The following FCHO2 variants were observed in gnomAD, a reference collection of about 807,000 sequenced individuals.
The protein encoded by FCHO2 is F-BAR domain only protein 2.
FCHO2 carries 43 observed loss-of-function variants against 114.1 expected under a neutral mutation model. The ratio of observed to expected loss-of-function variants is 0.38; its 90% CI spans 0.30 to 0.49. The LOEUF (loss-of-function observed/expected upper bound fraction) is 0.49, where lower values mean the gene tolerates loss of function less well. Among genes scored for constraint, FCHO2 ranks in the 20% least tolerant of loss-of-function variants. The pLI is 0.97. For synonymous variants in FCHO2, 293 were observed against 315.2 expected, an observed-to-expected ratio of 0.93 and a Z score of 0.75; for missense variants, 807 against 950.4, an observed-to-expected ratio of 0.85 and a Z score of 1.98.
chr5:73,014,706 ACT>A (rs997953169), intron 6 of FCHO2, among the ~76,000 whole-genome samples: 4 of 151,148 alleles, frequency 2.6e-5, no homozygotes, highest in Middle Eastern at 3.4e-3. Context: ...AGTTTTTAAA[ACT>A]CTTTGTTTTT....
rs773944311 is a variant in FCHO2, at chr5:73,074,841, C to A, written c.1679C>A (p.Ala560Glu). Residue 560 changes from alanine (A) to glutamate (E), a missense_variant, in exon 20 of 26, where the codon GCA becomes GAA. By Grantham distance (107) the Ala-to-Glu change is moderately radical (BLOSUM62 -1). Coordinates refer to ENST00000430046, the MANE Select transcript of FCHO2 (RefSeq NM_138782.3). ...TCTGTTAATGCCTACTTTAAAGGAG[C>A]AGATCCCACCAAGTTAGTTTTTAAA... Reference protein sequence around the residue: ...TESVNAYFKGADPTKCIVKIT... With the variant: ...TESVNAYFKGEDPTKCIVKIT... The A allele has an allele frequency of 4.3e-6, 7 of 1,610,964 alleles. No homozygotes were observed. Among genetic ancestry groups the A allele is most frequent in the Non-Finnish European group, 5.9e-6 (7 of 1,178,682 alleles).
intron 5 of FCHO2, among the ~76,000 whole-genome samples, chr5:73,000,469 C>CT (rs1260472578): frequency 2.9e-4 from 26 of 91,092 alleles, no homozygotes; most frequent in Non-Finnish European, 4.9e-4. Flanking sequence ...GAAACTCAGT[C>CT]TTAAAAAAAA....
Position 73,074,869 on chromosome 5 carries a change from A to G in FCHO2, c.1691+16A>G. 1 of 1,593,592 alleles carries G rather than the reference A, an allele frequency of 6.3e-7. No individual in the cohort carries two copies. Among genetic ancestry groups the G allele is most frequent in the Non-Finnish European group, 8.6e-7 (1 of 1,165,902 alleles). ...ATCCCACCAAGTTAGTTTTTAAAAT[A>G]TATGCATGTATGTGTATGTATGTGT... On this transcript the variant is annotated intron_variant, in intron 20 of 25. Coordinates refer to ENST00000430046, the MANE Select transcript of FCHO2 (RefSeq NM_138782.3).
chr5:73,044,654 G>T, intron 11 of FCHO2, among the ~76,000 whole-genome samples: 1 of 152,036 alleles, frequency 6.6e-6, no homozygotes, highest in East Asian at 1.9e-4. Context: ...GGCCAAGGAA[G>T]TGTAATTGCT....
rs1380425423 is a variant in FCHO2 at position 73,082,826 on chromosome 5, G to T, written c.2245+1G>T. On this transcript the variant is annotated splice_donor_variant, in intron 24 of 25. Transcript: ENST00000430046. LOFTEE classifies it high-confidence loss of function. ...ATTTCAGAAAAATCAGAAAATGGAGGTAAGTGTGTGTGTCCTTTTTTATTT... is the reference window on the plus strand; with the variant it reads ...ATTTCAGAAAAATCAGAAAATGGAGTTAAGTGTGTGTGTCCTTTTTTATTT... The T allele has an allele frequency of 3.1e-6, 5 of 1,597,294 alleles. No homozygotes were observed. The highest frequency in any genetic ancestry group is 4.3e-6 in the Non-Finnish European group (5 of 1,172,040).
intron 2 of FCHO2, among the ~76,000 whole-genome samples, chr5:72,985,446 G>A (rs1753466093): frequency 6.6e-6 from 1 of 152,078 alleles, no homozygotes; most frequent in African/African-American, 2.4e-5. Context: ...ACAGACATGA[G>A]CCACCACGCC....
intron 19 of FCHO2, among the ~76,000 whole-genome samples, chr5:73,072,251 A>G (rs764834540): frequency 9.9e-5 from 15 of 152,220 alleles, no homozygotes; most frequent in African/African-American, 2.2e-4. Context: ...TAGTATTACA[A>G]TAACAAATGT....
At chr5:73,017,854 G>C (rs182915040) in intron 8 of FCHO2, among the ~76,000 whole-genome samples, 1 of 144,808 alleles carries the variant, frequency 6.9e-6, no homozygotes, top group Non-Finnish European at 1.6e-5. Context: ...TGAACAAATG[G>C]ATATAGGAAT....
chr5:73,002,298 A>G (rs1247994977), intron 5 of FCHO2, among the ~76,000 whole-genome samples: 2 of 152,218 alleles, frequency 1.3e-5, no homozygotes, highest in Non-Finnish European at 2.9e-5. Flanking sequence ...GTATAGGAAG[A>G]TGAAATGATT....
chr5:73,023,567 A>C (rs1411919871), intron 8 of FCHO2, among the ~76,000 whole-genome samples: 1 of 151,906 alleles, frequency 6.6e-6, no homozygotes, highest in Non-Finnish European at 1.5e-5. Context: ...GGGAGTGGTG[A>C]TGTGTACCTG....
chr5:73,032,226 T>TGGTTCA (rs1428920503), intron 8 of FCHO2, among the ~76,000 whole-genome samples: 2 of 152,216 alleles, frequency 1.3e-5, no homozygotes, highest in Non-Finnish European at 2.9e-5. Context: ...TCATGCATGA[T>TGGTTCA]TTAATGGTTT....
chr5:72,976,393 A>G (rs1300984864), intron 2 of FCHO2, among the ~76,000 whole-genome samples: 1 of 151,774 alleles, frequency 6.6e-6, no homozygotes, highest in Non-Finnish European at 1.5e-5. Flanking sequence ...TGTTGTTGTC[A>G]AGATGTGGTC....
intron 1 of FCHO2, among the ~76,000 whole-genome samples, chr5:72,967,564 A>G (rs888471117): frequency 2.6e-5 from 4 of 152,182 alleles, no homozygotes; most frequent in African/African-American, 9.7e-5. Flanking sequence ...ATGTTTTGAA[A>G]GGTCCATGTT....
intron 19 of FCHO2, among the ~76,000 whole-genome samples, chr5:73,074,402 A>G (rs1486034163): frequency 6.6e-6 from 1 of 152,120 alleles, no homozygotes; most frequent in Non-Finnish European, 1.5e-5. Context: ...TGATTGATAG[A>G]ACCTGGAGGA....
Position 73,082,934 on chromosome 5 carries a change from C to T in FCHO2, c.2245+109C>T, listed in dbSNP as rs1473764411. 6.7e-6 allele frequency: 6 copies of T among 899,934 alleles called. No homozygotes were observed. In the East Asian group the frequency reaches 8.5e-5, roughly 13 times the overall value. The allele number at this position is 899,934 out of a possible 1,614,324, so 55.7% of individuals were successfully genotyped here. A position where few individuals can be genotyped will look rare whatever the true frequency, so the allele number is the denominator to read the frequency against. On this transcript the variant is annotated intron_variant, in intron 24 of 25. Transcript: ENST00000430046. ...TTGTTGCCAGGCTGGAGTGCAGTAA[C>T]ACAATCTCAGCTCACTGCAACCTCC...
rs569294882 is a variant in FCHO2 at position 73,072,031 on chromosome 5, A to AT, written c.1580-2699dup. ...CATTTGTGTGAGTTACTCAAGAGACATTTTTTTTTTTTAATGAGACAGGGT... is the reference window on the plus strand; with the variant it reads ...CATTTGTGTGAGTTACTCAAGAGACATTTTTTTTTTTTTAATGAGACAGGGT... On this transcript the variant is annotated intron_variant, in intron 19 of 25. Transcript: ENST00000430046. Among the ~76,000 whole-genome samples the AT allele has an allele frequency of 6.8e-3, 982 of 144,144 alleles. 13 individuals carry two copies. The highest frequency in any genetic ancestry group is 0.045 in the South Asian group (206 of 4,570). 94.6% of individuals were successfully genotyped at this position (144,144 alleles called of 152,430 possible). A position where few individuals can be genotyped will look rare whatever the true frequency, so the allele number is the denominator to read the frequency against.
Position 73,052,217 on chromosome 5 carries a change from C to G in FCHO2, c.998-115C>G. ...GGATTACAGGCGTGAGCCGTCGCACCCGGCCCAAAGTCTGTGTAACTCTTA... is the reference window on the plus strand; with the variant it reads ...GGATTACAGGCGTGAGCCGTCGCACGCGGCCCAAAGTCTGTGTAACTCTTA... On this transcript the variant is annotated intron_variant, in intron 12 of 25. Transcript: ENST00000430046. The G allele has an allele frequency of 6.5e-6, 7 of 1,082,884 alleles. No individual in the cohort carries two copies. In the African/African-American group the frequency reaches 1.1e-4, roughly 17 times the overall value. The allele number at this position is 1,082,884 out of a possible 1,614,324, so 67.1% of individuals were successfully genotyped here. A position where few individuals can be genotyped will look rare whatever the true frequency, so the allele number is the denominator to read the frequency against.
At chr5:72,959,961 G>A (rs563999301) in intron 1 of FCHO2, among the ~76,000 whole-genome samples, 1 of 152,182 alleles carries the variant, frequency 6.6e-6, no homozygotes, top group East Asian at 1.9e-4. Flanking sequence ...TAAATTATTT[G>A]TGGAGATGAG....
Position 73,020,725 on chromosome 5 carries a change from T to C in FCHO2, c.796+3417T>C, listed in dbSNP as rs946446161. ...GTGAAGAAATTGGATGCTCATTTTC[T>C]GTTCTACATCCACCTTCTCCAAAAC... is the stretch of plus-strand genomic sequence containing the variant. On this transcript the variant is annotated intron_variant, in intron 8 of 25. Coordinates refer to ENST00000430046, the MANE Select transcript of FCHO2 (RefSeq NM_138782.3). 44 of 1,193,580 alleles carry C rather than the reference T, an allele frequency of 3.7e-5. No homozygotes were observed. In the African/African-American group the frequency reaches 6.6e-4, roughly 18 times the overall value. 73.9% of individuals were successfully genotyped at this position (1,193,580 alleles called of 1,614,324 possible).
Sources: gnomAD v4.1 joint callset for allele counts (sites outside exome capture counted in the v4.1 genomes callset) on GRCh38, gnomAD v4.1.1 for gene constraint, MANE v1.5 for transcripts, NCBI Gene and HGNC (gene_info 2026-07-23, HGNC 2026-07-21) for gene names.